Variants in TGFA observed in about 807,000 individuals in gnomAD.
TGFA encodes the protein transforming growth factor alpha, also known as protransforming growth factor alpha.
Under a neutral mutation model 21.7 loss-of-function variants are expected in TGFA, and 12 were observed. The observed-to-expected ratio is 0.55, with a 90% CI of 0.35 to 0.90. TGFA has a LOEUF of 0.90. TGFA is among the 40% of genes least tolerant of loss of function. TGFA has a pLI of 0.01. For synonymous variants in TGFA, 79 were observed against 88.1 expected (o/e 0.90, Z 0.58); for missense variants, 178 against 210.8 (o/e 0.84, Z 0.96).
intron 2 of TGFA, 58 bp from the exon 3 acceptor site, chr2:70,465,794 C>T (rs1411692497): frequency 1.2e-6 from 2 of 1,600,280 alleles, no homozygotes; most frequent in Non-Finnish European, 1.7e-6. Flanking sequence ...GCAAACCCCA[C>T]ACCTCCCACC....
intron 2 of TGFA, among the ~76,000 whole-genome samples, chr2:70,511,756 A>G (rs1672107835): frequency 6.6e-6 from 1 of 152,184 alleles, no homozygotes; most frequent in South Asian, 2.1e-4. Flanking sequence ...TAGATCAAAG[A>G]AAAATGACAG....
At chr2:70,498,875 T>G (rs1426876126) in intron 2 of TGFA, among the ~76,000 whole-genome samples, 4 of 152,070 alleles carry the variant, frequency 2.6e-5, no homozygotes, top group African/African-American at 4.8e-5. Flanking sequence ...TCCTTCCCTC[T>G]TTTTCCCCTA....
intron 3 of TGFA, among the ~76,000 whole-genome samples, chr2:70,458,457 C>T (rs1670307723): frequency 1.3e-5 from 2 of 152,142 alleles, no homozygotes; most frequent in African/African-American, 4.8e-5. Context: ...CTCCCACCCA[C>T]CTAGGTTCCA....
intron 3 of TGFA, among the ~76,000 whole-genome samples, chr2:70,461,057 C>G (rs908062658): frequency 6.6e-6 from 1 of 152,134 alleles, no homozygotes; most frequent in East Asian, 1.9e-4. Flanking sequence ...TATTATCATC[C>G]CTGGGTCCCC....
At chr2:70,544,574 C>G (rs1458513430) in intron 1 of TGFA, among the ~76,000 whole-genome samples, 2 of 152,210 alleles carry the variant, frequency 1.3e-5, no homozygotes, top group African/African-American at 2.4e-5. Context: ...AACTGGAACT[C>G]TGCCTCATTC....
intron 2 of TGFA, among the ~76,000 whole-genome samples, chr2:70,496,768 A>G (rs1281541738): frequency 1.3e-5 from 2 of 152,192 alleles, no homozygotes; most frequent in Non-Finnish European, 2.9e-5. Context: ...TGTATGCGTC[A>G]TGCACTGTGC....
chr2:70,466,649 G>A (rs1670574806), intron 2 of TGFA, among the ~76,000 whole-genome samples: 1 of 152,160 alleles, frequency 6.6e-6, no homozygotes, highest in South Asian at 2.1e-4. Flanking sequence ...GGAGTGATAA[G>A]GCTATAAAGA....
intron 2 of TGFA, among the ~76,000 whole-genome samples, chr2:70,490,445 G>A (rs574772612): frequency 1.6e-4 from 25 of 152,278 alleles, no homozygotes; most frequent in African/African-American, 5.1e-4. Context: ...TTTTCCTTTA[G>A]CACTGGAAAT....
chr2:70,524,488 A>G (rs557839399), intron 1 of TGFA, among the ~76,000 whole-genome samples: 1 of 152,386 alleles, frequency 6.6e-6, no homozygotes, highest in South Asian at 2.1e-4. Context: ...TCAAGGCAAC[A>G]GGGCGAGTAT....
At chr2:70,544,492 T>C (rs1673231128) in intron 1 of TGFA, among the ~76,000 whole-genome samples, 2 of 152,164 alleles carry the variant, frequency 1.3e-5, no homozygotes, top group African/African-American at 4.8e-5. Flanking sequence ...AAAGCTTTTA[T>C]ATACCAGCAA....
chr2:70,553,104 C>G, intron 1 of TGFA: 1 of 1,456,022 alleles, frequency 6.9e-7, no homozygotes, highest in South Asian at 1.2e-5. Context: ...TCGCTCCTGC[C>G]CTCGGCGGAC....
intron 1 of TGFA, among the ~76,000 whole-genome samples, chr2:70,542,036 G>A (rs907440237): frequency 1.3e-5 from 2 of 152,092 alleles, no homozygotes; most frequent in Non-Finnish European, 2.9e-5. Context: ...TTCCAACTGC[G>A]CTCGGTGACA....
At chr2:70,538,446 T>C (rs1396548735) in intron 1 of TGFA, among the ~76,000 whole-genome samples, 3 of 152,218 alleles carry the variant, frequency 2.0e-5, no homozygotes, top group Non-Finnish European at 4.4e-5. Flanking sequence ...GATTCACCAT[T>C]CTAGATGACA....
At chr2:70,500,912 T>C (rs887625448) in intron 2 of TGFA, among the ~76,000 whole-genome samples, 1 of 151,986 alleles carries the variant, frequency 6.6e-6, no homozygotes, top group Non-Finnish European at 1.5e-5. Context: ...AGCATTTTAA[T>C]TGGGTGTAAT....
At chr2:70,544,389 A>T (rs6743202) in intron 1 of TGFA, among the ~76,000 whole-genome samples, 46,280 of 151,898 alleles carry the variant, frequency 0.3, 8,078 homozygotes, top group East Asian at 0.6. Context: ...ATTATTATTC[A>T]AGCTTAAATG....
intron 2 of TGFA, among the ~76,000 whole-genome samples, chr2:70,512,662 C>T (rs1216821566): frequency 6.6e-6 from 1 of 152,228 alleles, no homozygotes; most frequent in Non-Finnish European, 1.5e-5. Context: ...ATCAGGTCTG[C>T]CCACATCTGC....
intron 2 of TGFA, among the ~76,000 whole-genome samples, chr2:70,483,890 A>T (rs909912962): frequency 6.6e-6 from 1 of 152,146 alleles, no homozygotes; most frequent in Admixed American, 6.5e-5. Context: ...AACTTACTAG[A>T]TGATGTATCA....
chr2:70,540,718 A>C (rs1209907058), intron 1 of TGFA, among the ~76,000 whole-genome samples: 1 of 152,232 alleles, frequency 6.6e-6, no homozygotes, highest in Non-Finnish European at 1.5e-5. Flanking sequence ...TTACACTTTT[A>C]GTAAACCTAA....
Position 70,553,303 on chromosome 2 carries a change from C to G in TGFA, c.40+425G>C, listed in dbSNP as rs1673573239. 4 of 1,526,058 alleles carry G rather than the reference C, an allele frequency of 2.6e-6. No individual in the cohort carries two copies. In the Admixed American group the frequency reaches 8.3e-5, roughly 31 times the overall value. The allele number at this position is 1,526,058 out of a possible 1,614,324, so 94.5% of individuals were successfully genotyped here. A position where few individuals can be genotyped will look rare whatever the true frequency, so the allele number is the denominator to read the frequency against. On this transcript the variant is annotated intron_variant, in intron 1 of 5. Transcript: ENST00000295400. ...GTGCCAAAGGGGCGCAGGCAAGACCCGGCCAGAGGGTTAGACGCCGGCCCC... is the reference window on the plus strand; with the variant it reads ...GTGCCAAAGGGGCGCAGGCAAGACCGGGCCAGAGGGTTAGACGCCGGCCCC...
Sources: gnomAD v4.1 joint callset for allele counts (sites outside exome capture counted in the v4.1 genomes callset) on GRCh38, gnomAD v4.1.1 for gene constraint, MANE v1.5 for transcripts, NCBI Gene and HGNC (gene_info 2026-07-23, HGNC 2026-07-21) for gene names.